Variants in BRD10 observed in about 807,000 individuals in gnomAD.
BRD10 encodes bromodomain containing 10.
At chr9:5,943,750 C>T in the BRD10 span, among the ~76,000 whole-genome samples, 1 of 152,088 alleles carries the variant, frequency 6.6e-6, no homozygotes, top group African/African-American at 2.4e-5. Flanking sequence ...ATGCACTTTT[C>T]CACATTCTCA....
At chr9:5,898,009 A>T in the BRD10 span, 1 of 216,350 alleles carries the variant, frequency 4.6e-6, no homozygotes, top group South Asian at 8.4e-5. Context: ...ATCATAGTGG[A>T]AGGCATCACA....
chr9:5,912,232 C>A, the BRD10 span, among the ~76,000 whole-genome samples: 2 of 152,184 alleles, frequency 1.3e-5, no homozygotes. Flanking sequence ...TTGTACCCTG[C>A]AACTTTACTG....
At chr9:5,883,837 T>C in the BRD10 span, among the ~76,000 whole-genome samples, 1 of 152,088 alleles carries the variant, frequency 6.6e-6, no homozygotes, top group Non-Finnish European at 1.5e-5. Context: ...CTTCATAACC[T>C]CCCATTAATT....
At chr9:5,973,691 T>C in the BRD10 span, among the ~76,000 whole-genome samples, 1 of 151,938 alleles carries the variant, frequency 6.6e-6, no homozygotes, top group East Asian at 1.9e-4. Flanking sequence ...GACTTCAAGA[T>C]CAGACTAGGC....
At chr9:5,938,427 C>T in the BRD10 span, among the ~76,000 whole-genome samples, 1 of 151,970 alleles carries the variant, frequency 6.6e-6, no homozygotes, top group Non-Finnish European at 1.5e-5. Context: ...GCCTGGGTGA[C>T]AGAGCAAGGA....
the BRD10 span, among the ~76,000 whole-genome samples, chr9:5,993,804 G>A: frequency 6.6e-6 from 1 of 152,162 alleles, no homozygotes; most frequent in African/African-American, 2.4e-5. Flanking sequence ...GCCTTCTGGG[G>A]CACAGAGCAC....
chr9:5,997,699 A>G, the BRD10 span, among the ~76,000 whole-genome samples: 1 of 152,200 alleles, frequency 6.6e-6, no homozygotes, highest in South Asian at 2.1e-4. Context: ...AAAAAAATTA[A>G]GCTGGATTTC....
the BRD10 span, among the ~76,000 whole-genome samples, chr9:5,900,989 G>A: frequency 1.3e-5 from 2 of 152,084 alleles, no homozygotes; most frequent in African/African-American, 4.8e-5. Flanking sequence ...CTTGCTAAAA[G>A]GCAGATTCTG....
chr9:5,921,541 G>T, the BRD10 span: 1 of 1,613,850 alleles, frequency 6.2e-7, no homozygotes, highest in Non-Finnish European at 8.5e-7. Flanking sequence ...CAGTTCCATT[G>T]CCAGAAGAAA....
At chr9:5,923,351 C>G in the BRD10 span, 1 of 1,418,318 alleles carries the variant, frequency 7.1e-7, no homozygotes, top group Non-Finnish European at 9.6e-7. Flanking sequence ...TATAAAACAG[C>G]AACTAAATAG....
chr9:5,887,377 A>G, the BRD10 span, among the ~76,000 whole-genome samples: 3 of 152,160 alleles, frequency 2.0e-5, no homozygotes, highest in Non-Finnish European at 2.9e-5. Flanking sequence ...GGATGATGCC[A>G]GCTGCCTGTT....
the BRD10 span, among the ~76,000 whole-genome samples, chr9:5,914,674 C>T: frequency 2.6e-5 from 4 of 152,092 alleles, no homozygotes; most frequent in South Asian, 2.1e-4. Flanking sequence ...CTGCCCGCCT[C>T]GGCCTCCCAA....
At chr9:5,983,161 C>T in the BRD10 span, among the ~76,000 whole-genome samples, 1 of 152,106 alleles carries the variant, frequency 6.6e-6, no homozygotes. Flanking sequence ...GGGGAGGTAA[C>T]TGAGTTCTGA....
At chr9:5,901,131 TA>T in the BRD10 span, among the ~76,000 whole-genome samples, 10 of 148,130 alleles carry the variant, frequency 6.8e-5, no homozygotes, top group Non-Finnish European at 7.5e-5. Context: ...GTGAGAGGCT[TA>T]AAAAAAAAAG....
chr9:5,880,007 C>T, the BRD10 span, among the ~76,000 whole-genome samples: 1 of 152,012 alleles, frequency 6.6e-6, no homozygotes, highest in Non-Finnish European at 1.5e-5. Context: ...GCAACCTCCG[C>T]CTCCCGGGTT....
chr9:5,953,546 T>C, the BRD10 span, among the ~76,000 whole-genome samples: 4 of 152,054 alleles, frequency 2.6e-5, no homozygotes, highest in Admixed American at 6.5e-5. Context: ...GAAAGATTTG[T>C]TTTCCAAGTT....
the BRD10 span, chr9:5,944,784 A>T: frequency 1.8e-6 from 1 of 556,790 alleles, no homozygotes; most frequent in East Asian, 3.3e-5. Flanking sequence ...AATCCAGGAA[A>T]ACAAGATTTC....
At chr9:5,958,773 T>A in the BRD10 span, among the ~76,000 whole-genome samples, 1 of 152,202 alleles carries the variant, frequency 6.6e-6, no homozygotes, top group Non-Finnish European at 1.5e-5. Flanking sequence ...AAATGAATAC[T>A]AAGATATTAA....
chr9:5,888,753 A>C, the BRD10 span, among the ~76,000 whole-genome samples: 3 of 152,230 alleles, frequency 2.0e-5, no homozygotes, highest in African/African-American at 7.2e-5. Flanking sequence ...CTCAACGTCG[A>C]TCATTCTACA....
Sources: gnomAD v4.1 joint callset for allele counts (sites outside exome capture counted in the v4.1 genomes callset) on GRCh38, gnomAD v4.1.1 for gene constraint, MANE v1.5 for transcripts, NCBI Gene and HGNC (gene_info 2026-07-23, HGNC 2026-07-21) for gene names.